The following KSR2 variants were observed in gnomAD, a reference collection of about 807,000 sequenced individuals.
KSR2 encodes kinase suppressor of ras 2.
Under a neutral mutation model 107.8 loss-of-function variants are expected in KSR2, and 25 were observed. The ratio of observed to expected loss-of-function variants is 0.23; its 90% CI spans 0.17 to 0.32. KSR2 has a LOEUF of 0.32. Among genes scored for constraint, KSR2 ranks in the 10% least tolerant of loss-of-function variants. KSR2 has a pLI of 1.00. For synonymous variants in KSR2, 480 were observed against 507.0 expected (o/e 0.95, Z 0.71); for missense variants, 887 against 1,268.9 (o/e 0.70, Z 4.57).
intron 3 of KSR2, among the ~76,000 whole-genome samples, chr12:117,835,466 C>T (rs1892167551): frequency 6.6e-6 from 1 of 152,150 alleles, no homozygotes; most frequent in Non-Finnish European, 1.5e-5. Context: ...CTTTACAGAA[C>T]CTCAGTGTTC....
chr12:117,688,546 C>G (rs523045), intron 4 of KSR2, among the ~76,000 whole-genome samples: 1 of 152,128 alleles, frequency 6.6e-6, no homozygotes. Flanking sequence ...AATTCTACAC[C>G]GATAACATCA....
intron 1 of KSR2, among the ~76,000 whole-genome samples, chr12:117,924,306 G>A (rs977961284): frequency 1.3e-5 from 2 of 151,396 alleles, no homozygotes; most frequent in Non-Finnish European, 2.9e-5. Context: ...GGTGGCTCAT[G>A]CCTGTAATCC....
In KSR2 at chr12:117,808,630, G is replaced by A. The variant is rs138002830; in HGVS notation, c.472+46798C>T. ...TTACTTCCATGATCACTAAGAAAAC[G>A]TAGCATGTCTAATTGCATCTCAATC... On this transcript the variant is annotated intron_variant, in intron 3 of 19. Transcript: ENST00000339824. 7.9e-5 allele frequency among the ~76,000 whole-genome samples: 12 copies of A among 152,196 alleles called. No homozygotes were observed. In the East Asian group the frequency reaches 1.7e-3, roughly 22 times the overall value.
intron 3 of KSR2, among the ~76,000 whole-genome samples, chr12:117,836,384 C>A (rs914001113): frequency 3.9e-5 from 6 of 152,130 alleles, no homozygotes; most frequent in Non-Finnish European, 7.3e-5. Flanking sequence ...TGGAGAGAAA[C>A]CTTTCACTTC....
rs1871002786 is a variant in KSR2, at chr12:117,463,466, G to T, written c.*3733C>A. ...TGACTGTGTGGGCCACATCGTCTCT[G>T]TTGCAAATAGCTGGCTCTGTCACAG... On this transcript the variant is annotated 3_prime_UTR_variant, in exon 20 of 20. Transcript: ENST00000339824. The T allele has an allele frequency of 6.6e-6, 1 of 152,232 alleles. No homozygotes were observed. Among genetic ancestry groups the T allele is most frequent in the Admixed American group, 6.5e-5 (1 of 15,284 alleles). 9.4% of individuals were successfully genotyped at this position (152,232 alleles called of 1,614,324 possible).
At chr12:117,738,823 C>T (rs994710773) in intron 4 of KSR2, among the ~76,000 whole-genome samples, 11 of 152,082 alleles carry the variant, frequency 7.2e-5, no homozygotes, top group Non-Finnish European at 1.5e-5. Context: ...TGCAGGGAGC[C>T]GAGATTGCGC....
At chr12:117,966,623 G>GCACACACACACACA (rs71099095) in intron 1 of KSR2, among the ~76,000 whole-genome samples, 2 of 143,092 alleles carry the variant, frequency 1.4e-5, no homozygotes, top group African/African-American at 2.6e-5. Context: ...ACACGCGCAC[G>GCACACACACACACA]CACACACACA....
intron 5 of KSR2, among the ~76,000 whole-genome samples, chr12:117,583,831 C>T (rs896010637): frequency 4.6e-5 from 7 of 152,184 alleles, no homozygotes; most frequent in East Asian, 1.9e-4. Context: ...TGACCCTACA[C>T]GCCCGTTCTC....
chr12:117,793,586 T>C (rs376961126), intron 3 of KSR2, among the ~76,000 whole-genome samples: 3,770 of 112,612 alleles, frequency 0.033, 175 homozygotes, highest in African/African-American at 0.13. Context: ...TTTACACCAA[T>C]ATGCACACAT....
At chr12:117,855,692 G>C in intron 2 of KSR2, 114 bp from the exon 3 acceptor site, 1 of 1,033,518 alleles carries the variant, frequency 9.7e-7, no homozygotes, top group Non-Finnish European at 1.4e-6. Context: ...CGCTTTGCAT[G>C]ACAGTGGGGT....
chr12:117,704,877 A>T (rs904237431), intron 4 of KSR2, among the ~76,000 whole-genome samples: 144 of 151,688 alleles, frequency 9.5e-4, no homozygotes, highest in African/African-American at 3.3e-3. Flanking sequence ...AAAAAAGTAC[A>T]CAATGAAGAA....
chr12:117,542,730 C>T (rs773243959), intron 9 of KSR2, among the ~76,000 whole-genome samples: 1 of 152,198 alleles, frequency 6.6e-6, no homozygotes, highest in Non-Finnish European at 1.5e-5. Context: ...CTCAAGCAAT[C>T]CCATTGCCTC....
At position 117,611,304 on chromosome 12, in the gene KSR2, A is replaced by G. The variant is rs563387459; in HGVS notation, c.1172-28945T>C. 3.3e-5 allele frequency among the ~76,000 whole-genome samples: 5 copies of G among 152,274 alleles called. No homozygotes were observed. The East Asian group carries it at 9.7e-4, about 29-fold the overall frequency. On this transcript the variant is annotated intron_variant, in intron 5 of 19. Coordinates refer to ENST00000339824, the MANE Select transcript of KSR2 (RefSeq NM_173598.6). ...CTTGATTGGTTCTAATTTACTCAAG[A>G]AAGCTTAGAAAGTCACACTGGGTGT...
intron 1 of KSR2, among the ~76,000 whole-genome samples, chr12:117,933,468 T>C (rs1037392756): frequency 3.3e-5 from 5 of 152,034 alleles, no homozygotes; most frequent in Admixed American, 6.6e-5. Context: ...CGGGCGCCTG[T>C]GGTCCCAGCT....
In KSR2 at chr12:117,837,120, T is replaced by A. The variant is rs79066873; in HGVS notation, c.472+18308A>T. On this transcript the variant is annotated intron_variant, in intron 3 of 19. Transcript: ENST00000339824. The stretch of plus-strand genomic sequence containing the variant: ...GCAAGGCCCCGTCGGAGTAGGCTGC[T>A]CTGATAGATGCCTCTGCCGTTCACT... Among the ~76,000 whole-genome samples the A allele has an allele frequency of 7.6e-3, 1,159 of 152,254 alleles. 13 individuals carry two copies. The highest frequency in any genetic ancestry group is 0.027 in the African/African-American group (1,109 of 41,548).
At chr12:117,806,233 T>G (rs1891002374) in intron 3 of KSR2, among the ~76,000 whole-genome samples, 1 of 152,190 alleles carries the variant, frequency 6.6e-6, no homozygotes, top group South Asian at 2.1e-4. Context: ...GGGGCTTTGC[T>G]GCTCACATGC....
chr12:117,794,191 CACACCA>C, intron 3 of KSR2, among the ~76,000 whole-genome samples: 3 of 126,098 alleles, frequency 2.4e-5, no homozygotes, highest in African/African-American at 3.2e-5. Context: ...AACATGCACA[CACACCA>C]TGCACACATA....
At chr12:117,905,735 C>G (rs1414501914) in intron 1 of KSR2, among the ~76,000 whole-genome samples, 1 of 152,012 alleles carries the variant, frequency 6.6e-6, no homozygotes, top group East Asian at 1.9e-4. Context: ...CTGCCTTATG[C>G]CTGGGGACAA....
Position 117,630,171 on chromosome 12 carries a change from T to A in KSR2, c.1171+37303A>T, listed in dbSNP as rs1173997331. On this transcript the variant is annotated intron_variant, in intron 5 of 19. Transcript: ENST00000339824. ...AATGTCCTCCCACTAGCGACGTCTC[T>A]CAGCAGCCCAGTGATTCTCATTTGC... is the stretch of plus-strand genomic sequence containing the variant. 2.6e-5 allele frequency among the ~76,000 whole-genome samples: 4 copies of A among 152,214 alleles called. No individual in the cohort carries two copies. The East Asian group carries it at 7.7e-4, about 29-fold the overall frequency.
Sources: gnomAD v4.1 joint callset for allele counts (sites outside exome capture counted in the v4.1 genomes callset) on GRCh38, gnomAD v4.1.1 for gene constraint, MANE v1.5 for transcripts, NCBI Gene and HGNC (gene_info 2026-07-23, HGNC 2026-07-21) for gene names.